Variants in PTK2 observed in about 807,000 individuals in gnomAD.
The protein encoded by PTK2 is protein tyrosine kinase 2, also known as focal adhesion kinase 1.
Under a neutral mutation model 150.1 loss-of-function variants are expected in PTK2, and 45 were observed. The observed-to-expected ratio is 0.30, with a 90% CI of 0.24 to 0.38. PTK2 has a LOEUF of 0.38. Ranked by LOEUF, PTK2 falls within the 10% of genes least tolerant of loss-of-function variation. The pLI, the probability that PTK2 is intolerant of heterozygous loss-of-function variation, is 1.00. For missense variants in PTK2, 919 were observed against 1,307.3 expected, an observed-to-expected ratio of 0.70 and a Z score of 4.58; for synonymous variants, 432 against 449.2, an observed-to-expected ratio of 0.96 and a Z score of 0.48.
chr8:140,801,557 G>A (rs1357742901), intron 11 of PTK2, among the ~76,000 whole-genome samples: 3 of 152,162 alleles, frequency 2.0e-5, no homozygotes, highest in Non-Finnish European at 2.9e-5. Context: ...ACAGAATGGG[G>A]TTAACCAAAG....
intron 17 of PTK2, chr8:140,751,951 T>C: frequency 1.7e-6 from 1 of 585,008 alleles, no homozygotes; most frequent in Non-Finnish European, 3.3e-6. Context: ...ATCACTTATA[T>C]ATCTGCACCA....
At chr8:140,939,358 T>C (rs2100174869) in intron 1 of PTK2, among the ~76,000 whole-genome samples, 1 of 152,190 alleles carries the variant, frequency 6.6e-6, no homozygotes, top group African/African-American at 2.4e-5. Context: ...CATCTATCAC[T>C]GCTATTGATA....
At chr8:140,701,660 C>T (rs1323206260) in intron 25 of PTK2, among the ~76,000 whole-genome samples, 2 of 152,150 alleles carry the variant, frequency 1.3e-5, no homozygotes, top group African/African-American at 2.4e-5. Flanking sequence ...GCTCTGTCTT[C>T]CTGTTTCTTC....
chr8:140,682,135 A>C (rs1315432035), intron 27 of PTK2, among the ~76,000 whole-genome samples: 6 of 152,182 alleles, frequency 3.9e-5, no homozygotes, highest in African/African-American at 1.4e-4. Context: ...AAGAGCATAA[A>C]AATTTAGCAA....
At chr8:140,943,699 GGA>G (rs1406401788) in intron 1 of PTK2, among the ~76,000 whole-genome samples, 1 of 152,184 alleles carries the variant, frequency 6.6e-6, no homozygotes, top group African/African-American at 2.4e-5. Flanking sequence ...CAGCAAAGCA[GGA>G]GAGTACTAAC....
exon 32 of PTK2, chr8:140,658,581 C>A (rs2075440244): frequency 5.0e-6 from 1 of 199,060 alleles, no homozygotes; most frequent in African/African-American, 2.3e-5. Flanking sequence ...TTCATTCTCT[C>A]CTGGGAAGAC....
chr8:140,808,812 T>C (rs2100099720), intron 10 of PTK2, among the ~76,000 whole-genome samples: 2 of 147,166 alleles, frequency 1.4e-5, no homozygotes, highest in African/African-American at 5.1e-5. Flanking sequence ...CTCAGCTCAC[T>C]GCAATCTCCA....
At chr8:140,903,346 T>C (rs891940891) in intron 2 of PTK2, among the ~76,000 whole-genome samples, 3 of 152,162 alleles carry the variant, frequency 2.0e-5, no homozygotes, top group Admixed American at 1.3e-4. Context: ...CTATCTGTTT[T>C]GGTACCAGTA....
At chr8:140,802,598 TTCAC>T (rs2100095770) in intron 11 of PTK2, among the ~76,000 whole-genome samples, 1 of 152,218 alleles carries the variant, frequency 6.6e-6, no homozygotes, top group African/African-American at 2.4e-5. Context: ...ACATTCATCC[TTCAC>T]TCACTGACTC....
chr8:140,777,100 T>C (rs1447213178), intron 14 of PTK2, among the ~76,000 whole-genome samples: 1 of 152,208 alleles, frequency 6.6e-6, no homozygotes, highest in East Asian at 1.9e-4. Flanking sequence ...AGAGCTAACC[T>C]GATTAAGCCT....
At chr8:140,667,303 T>C (rs960624332) in intron 30 of PTK2, among the ~76,000 whole-genome samples, 2 of 152,200 alleles carry the variant, frequency 1.3e-5, no homozygotes, top group Non-Finnish European at 2.9e-5. Flanking sequence ...AAAAAGTATG[T>C]TCGAGTATGT....
At chr8:140,981,587 G>A (rs1424692617) in intron 1 of PTK2, among the ~76,000 whole-genome samples, 1 of 152,208 alleles carries the variant, frequency 6.6e-6, no homozygotes, top group Non-Finnish European at 1.5e-5. Context: ...TGTACAACCT[G>A]TGAGCTAAAA....
intron 29 of PTK2, 170 bp from the exon 33 acceptor site, chr8:140,669,905 A>T (rs1021497768): frequency 2.7e-6 from 2 of 732,434 alleles, no homozygotes; most frequent in African/African-American, 3.5e-5. Context: ...CACTGTTGCC[A>T]GGGTGTGGCT....
chr8:140,979,116 G>A (rs1481702436), intron 1 of PTK2, among the ~76,000 whole-genome samples: 29 of 126,954 alleles, frequency 2.3e-4, no homozygotes, highest in African/African-American at 7.8e-4. Flanking sequence ...GTTGTGGGGT[G>A]GGGGGAGGGG....
chr8:140,792,495 T>G (rs2100089046), intron 13 of PTK2, among the ~76,000 whole-genome samples: 1 of 152,240 alleles, frequency 6.6e-6, no homozygotes, highest in African/African-American at 2.4e-5. Context: ...GATTCTGCTT[T>G]GTATCCATTT....
chr8:140,783,423 G>A (rs981752577), intron 14 of PTK2, among the ~76,000 whole-genome samples: 1 of 152,154 alleles, frequency 6.6e-6, no homozygotes, highest in African/African-American at 2.4e-5. Flanking sequence ...CTCTCATGAG[G>A]TTTAAACAAA....
chr8:140,737,492 C>A (rs562244110), intron 21 of PTK2, among the ~76,000 whole-genome samples: 1 of 152,248 alleles, frequency 6.6e-6, no homozygotes, highest in South Asian at 2.1e-4. Context: ...TCTACTGATT[C>A]TAGGAAACTT....
intron 1 of PTK2, among the ~76,000 whole-genome samples, chr8:140,995,157 G>A (rs1490044081): frequency 6.6e-6 from 1 of 151,394 alleles, no homozygotes; most frequent in Non-Finnish European, 1.5e-5. Context: ...GAGGTGGGTG[G>A]ATCACAAGAT....
chr8:140,751,629 C>CT (rs2100062729), intron 17 of PTK2, among the ~76,000 whole-genome samples: 1 of 151,976 alleles, frequency 6.6e-6, no homozygotes, highest in Non-Finnish European at 1.5e-5. Flanking sequence ...GTAGCTGGGA[C>CT]TACAGGTGCG....
Sources: allele counts gnomAD v4.1 joint callset (sites outside exome capture counted in the v4.1 genomes callset), GRCh38; gene constraint gnomAD v4.1.1; transcripts MANE v1.5; gene names NCBI Gene and HGNC (gene_info 2026-07-23, HGNC 2026-07-21).